SMARCA2: variants seen among roughly 807,000 people sequenced by gnomAD.
SMARCA2 encodes SWI/SNF-related matrix-associated actin-dependent regulator of chromatin subfamily A member 2.
SMARCA2 carries 61 observed loss-of-function variants against 199.8 expected under a neutral mutation model. The observed-to-expected ratio is 0.31, with a 90% CI of 0.25 to 0.38. The LOEUF (loss-of-function observed/expected upper bound fraction) is 0.38, where lower values mean the gene tolerates loss of function less well. Among genes scored for constraint, SMARCA2 ranks in the 10% least tolerant of loss-of-function variants. The pLI, the probability that SMARCA2 is intolerant of heterozygous loss-of-function variation, is 1.00. For synonymous variants in SMARCA2, 935 were observed against 732.0 expected, an observed-to-expected ratio of 1.28 and a Z score of -4.48; for missense variants, 1,344 against 2,012.2, an observed-to-expected ratio of 0.67 and a Z score of 6.35.
chr9:2,049,341 G>A (rs1350222443), intron 5 of SMARCA2, among the ~76,000 whole-genome samples: 2 of 152,082 alleles, frequency 1.3e-5, no homozygotes, highest in African/African-American at 2.4e-5. Flanking sequence ...TACCTTAGTG[G>A]ATGGTCTTCC....
intron 27 of SMARCA2, among the ~76,000 whole-genome samples, chr9:2,137,943 T>A (rs1211927209): frequency 6.6e-6 from 1 of 152,202 alleles, no homozygotes; most frequent in African/African-American, 2.4e-5. Context: ...TGTGACTTCA[T>A]GTAAAGATTT....
At chr9:2,055,236 G>T (rs145620282) in intron 6 of SMARCA2, among the ~76,000 whole-genome samples, 1 of 152,326 alleles carries the variant, frequency 6.6e-6, no homozygotes, top group African/African-American at 2.4e-5. Flanking sequence ...TCTAAGTTTG[G>T]AGTGTTTGAT....
At chr9:2,121,536 T>G (rs1281725374) in intron 26 of SMARCA2, among the ~76,000 whole-genome samples, 1 of 152,196 alleles carries the variant, frequency 6.6e-6, no homozygotes, top group Non-Finnish European at 1.5e-5. Flanking sequence ...ATTAAAAAGT[T>G]TGGTGAGAAA....
intron 14 of SMARCA2, among the ~76,000 whole-genome samples, chr9:2,080,989 A>G (rs1044327581): frequency 6.6e-6 from 1 of 152,206 alleles, no homozygotes; most frequent in Non-Finnish European, 1.5e-5. Flanking sequence ...TAAATAAACT[A>G]ATTGCTTGCT....
At chr9:2,045,827 A>ACACACACG (rs1491136279) in intron 4 of SMARCA2, 1 of 24,614 alleles carries the variant, frequency 4.1e-5, no homozygotes, top group African/African-American at 5.4e-4. Context: ...AACATCACAG[A>ACACACACG]CACACACACA....
intron 27 of SMARCA2, among the ~76,000 whole-genome samples, chr9:2,130,275 C>A (rs1167158566): frequency 6.6e-6 from 1 of 152,226 alleles, no homozygotes; most frequent in Non-Finnish European, 1.5e-5. Context: ...TGTTACGTGG[C>A]AACTTCCTGT....
chr9:2,104,058 A>C lies in SMARCA2; in HGVS notation c.3181A>C (p.Lys1061Gln). ...TGAGCTGCTTGATCGTATTCTGCCAAAATTGAGAGCGACTAATCACCGAGT... is the reference window on the plus strand; with the variant it reads ...TGAGCTGCTTGATCGTATTCTGCCACAATTGAGAGCGACTAATCACCGAGT... ...KFELLDRILP[K>Q]LRATNHRVLL... Residue 1061 changes from lysine to glutamine, a missense_variant, in exon 23 of 34, where the codon AAA (lysine) becomes CAA (glutamine). Around this residue, in one of 18 missense-constraint regions of SMARCA2, gnomAD observed 98 missense variants for 245.6 expected, o/e 0.40. Transcript: ENST00000349721. This position sits in a 1 kb window ranked among gnomAD's most constrained non-coding sequence, Gnocchi z 4.0. 6.2e-7 allele frequency: 1 copy of C among 1,614,086 alleles called. No homozygotes were observed. The highest frequency in any genetic ancestry group is 8.5e-7 in the Non-Finnish European group (1 of 1,179,998).
rs186542538 is a variant in SMARCA2 at position 2,033,326 on chromosome 9, G to A, written c.355+245G>A. 69 of 419,604 alleles carry A rather than the reference G, an allele frequency of 1.6e-4. 1 individual carries two copies. In the East Asian group the frequency reaches 2.2e-3, roughly 14 times the overall value. 26.0% of individuals were successfully genotyped at this position (419,604 alleles called of 1,614,324 possible). A position where few individuals can be genotyped will look rare whatever the true frequency, so the allele number is the denominator to read the frequency against. Reference sequence around the variant, plus strand: ...CATGTGTCCAAGCAGTCTGCAAAGAGCTCTATGTACTTTATCTAGAATCTT... The same window carrying A: ...CATGTGTCCAAGCAGTCTGCAAAGAACTCTATGTACTTTATCTAGAATCTT... On this transcript the variant is annotated intron_variant, in intron 3 of 33. Coordinates refer to ENST00000349721, the MANE Select transcript of SMARCA2 (RefSeq NM_003070.5).
intron 29 of SMARCA2, among the ~76,000 whole-genome samples, chr9:2,178,959 A>G (rs945151923): frequency 3.3e-5 from 5 of 152,206 alleles, no homozygotes; most frequent in African/African-American, 9.7e-5. Flanking sequence ...ACATGGAAGA[A>G]TTAGGTTCTG....
At chr9:2,034,304 T>G (rs1819220752) in intron 3 of SMARCA2, among the ~76,000 whole-genome samples, 1 of 148,414 alleles carries the variant, frequency 6.7e-6, no homozygotes, top group Non-Finnish European at 1.5e-5. Flanking sequence ...GTACTGGGGG[T>G]TAGGACTTCA....
chr9:2,076,515 ATCCC>A (rs1162779651), intron 13 of SMARCA2, among the ~76,000 whole-genome samples, 186 bp downstream of exon 13: 1 of 148,832 alleles, frequency 6.7e-6, no homozygotes, highest in Non-Finnish European at 1.5e-5. Flanking sequence ...TTGATTCTCC[ATCCC>A]TCCCTCCCTT....
Position 2,193,318 on chromosome 9 carries a change from G to C in SMARCA2, c.*579G>C, listed in dbSNP as rs369158564. 1 of 152,538 alleles carries C rather than the reference G, an allele frequency of 6.6e-6. No homozygotes were observed. The highest frequency in any genetic ancestry group is 2.4e-5 in the African/African-American group (1 of 41,418). The allele number at this position is 152,538 out of a possible 1,614,324, so 9.4% of individuals were successfully genotyped here. A position where few individuals can be genotyped will look rare whatever the true frequency, so the allele number is the denominator to read the frequency against. ...GATCTGAACAAAAGCTTTTTGAATTGTATAAGATTTATGTCTACTGTAAAC... is the reference window on the plus strand; with the variant it reads ...GATCTGAACAAAAGCTTTTTGAATTCTATAAGATTTATGTCTACTGTAAAC... On this transcript the variant is annotated 3_prime_UTR_variant, in exon 34 of 34. Coordinates refer to ENST00000349721, the MANE Select transcript of SMARCA2 (RefSeq NM_003070.5).
At position 2,104,578 on chromosome 9, in the gene SMARCA2, A is replaced by G. The variant is rs145274338; in HGVS notation, c.3292+409A>G. The stretch of plus-strand genomic sequence containing the variant: ...GGCTATGTCACTTTTCTTTGTAACA[A>G]TACAATCATTCATTTAAGATTATAT... On this transcript the variant is annotated intron_variant, in intron 23 of 33. Coordinates refer to ENST00000349721, the MANE Select transcript of SMARCA2 (RefSeq NM_003070.5). This position sits in a 1 kb window ranked among gnomAD's most constrained non-coding sequence, Gnocchi z 4.0. Among the ~76,000 whole-genome samples, 1 of 152,324 alleles carries G rather than the reference A, an allele frequency of 6.6e-6. No individual in the cohort carries two copies. Among genetic ancestry groups the G allele is most frequent in the East Asian group, 1.9e-4 (1 of 5,182 alleles).
intron 9 of SMARCA2, among the ~76,000 whole-genome samples, chr9:2,067,058 C>G (rs999501446): frequency 6.6e-6 from 1 of 152,162 alleles, no homozygotes; most frequent in Non-Finnish European, 1.5e-5. Context: ...GAGTTGATAT[C>G]TCTTGTCATA....
intron 25 of SMARCA2, among the ~76,000 whole-genome samples, chr9:2,118,183 A>G (rs554225883): frequency 3.3e-5 from 5 of 152,294 alleles, no homozygotes; most frequent in Admixed American, 2.0e-4. Flanking sequence ...CAGAGGAGAC[A>G]TTACCAGATA....
intron 9 of SMARCA2, among the ~76,000 whole-genome samples, chr9:2,069,457 G>C (rs1186986876): frequency 6.6e-6 from 1 of 151,640 alleles, no homozygotes; most frequent in Non-Finnish European, 1.5e-5. Flanking sequence ...TACTTGGGAG[G>C]CTGAGGCAGG....
At chr9:2,182,445 C>T (rs180693031) in intron 31 of SMARCA2, among the ~76,000 whole-genome samples, 215 of 150,074 alleles carry the variant, frequency 1.4e-3, no homozygotes, top group Non-Finnish European at 2.2e-3. Flanking sequence ...GCTGTGCTAG[C>T]GCCTACTCAC....
intron 7 of SMARCA2, among the ~76,000 whole-genome samples, chr9:2,057,122 A>T (rs1384065520): frequency 2.0e-5 from 3 of 152,374 alleles, no homozygotes; most frequent in African/African-American, 7.2e-5. Context: ...CTATAAAAAA[A>T]TAGCACAAAC....
chr9:2,093,324 T>C (rs958187274), intron 19 of SMARCA2, among the ~76,000 whole-genome samples: 2 of 152,346 alleles, frequency 1.3e-5, no homozygotes, highest in African/African-American at 4.8e-5. Context: ...ATCATATATA[T>C]TGATCTTTCT....
Sources: gnomAD v4.1 joint callset for allele counts (sites outside exome capture counted in the v4.1 genomes callset) on GRCh38, gnomAD v4.1.1 for gene constraint, gnomAD v4.1.1 regional missense constraint, Gnocchi (gnomAD v3.1) non-coding constraint, MANE v1.5 for transcripts, NCBI Gene and HGNC (gene_info 2026-07-23, HGNC 2026-07-21) for gene names.